The following KCNIP3 variants were observed in gnomAD, a reference collection of about 807,000 sequenced individuals.
KCNIP3 encodes calsenilin.
KCNIP3 carries 28 observed loss-of-function variants against 35.0 expected under a neutral mutation model. That is an observed-to-expected ratio of 0.80 (90% confidence interval 0.59 to 1.10). KCNIP3 has a LOEUF of 1.10. Ranked by LOEUF, KCNIP3 falls within the 50% of genes least tolerant of loss-of-function variation. KCNIP3 has a pLI of 0.00. For missense variants in KCNIP3, 295 were observed against 338.4 expected (o/e 0.87, Z 1.01); for synonymous variants, 134 against 133.8 (o/e 1.00, Z -0.01).
chr2:95,334,730 G>C (rs1376493330), intron 2 of KCNIP3, among the ~76,000 whole-genome samples: 1 of 152,300 alleles, frequency 6.6e-6, no homozygotes, highest in South Asian at 2.1e-4. Flanking sequence ...GAGGAAATGG[G>C]AACCTTTCAT....
chr2:95,322,414 G>A (rs1191298234), intron 2 of KCNIP3, among the ~76,000 whole-genome samples: 4 of 152,256 alleles, frequency 2.6e-5, no homozygotes, highest in South Asian at 2.1e-4. Context: ...TCAGAGGCAC[G>A]TGAAAAGCCC....
At chr2:95,341,154 T>C (rs1679184793) in intron 2 of KCNIP3, among the ~76,000 whole-genome samples, 2 of 152,176 alleles carry the variant, frequency 1.3e-5, no homozygotes, top group African/African-American at 2.4e-5. Flanking sequence ...TTGTTTCTCA[T>C]TGATGATTTA....
intron 1 of KCNIP3, among the ~76,000 whole-genome samples, chr2:95,309,637 T>C (rs1008301812): frequency 6.6e-6 from 1 of 152,190 alleles, no homozygotes; most frequent in African/African-American, 2.4e-5. Flanking sequence ...TTGGTCAGGC[T>C]GGTCTCGAAC....
At chr2:95,325,824 CAT>C (rs1297932297) in intron 2 of KCNIP3, among the ~76,000 whole-genome samples, 3 of 145,122 alleles carry the variant, frequency 2.1e-5, no homozygotes, top group Non-Finnish European at 3.0e-5. Context: ...CACACATACA[CAT>C]ACACTCATAC....
At position 95,366,086 on chromosome 2, in the gene KCNIP3, G is replaced by T. The variant is rs79793344; in HGVS notation, c.182-8210G>T. On this transcript the variant is annotated intron_variant, in intron 2 of 8. Transcript: ENST00000295225. ...GGCCTTGAACTCCAGGGCTCAAGCA[G>T]TCCTCCCACCTCAGCCTCCTGAGAG... 4.4e-4 allele frequency among the ~76,000 whole-genome samples: 67 copies of T among 152,218 alleles called. No homozygotes were observed. In the East Asian group the frequency reaches 0.012, roughly 28 times the overall value.
intron 1 of KCNIP3, among the ~76,000 whole-genome samples, chr2:95,297,957 A>T (rs1488502674): frequency 2.0e-5 from 3 of 152,190 alleles, no homozygotes; most frequent in Non-Finnish European, 2.9e-5. Context: ...CAAGTAACGA[A>T]TGAGTGCCCA....
In KCNIP3 at chr2:95,382,542, TTGGGGCCACCCCGGGCAAG is replaced by T; in HGVS notation, c.660+65_660+83del. 3 of 1,285,004 alleles carry T rather than the reference TTGGGGCCACCCCGGGCAAG, an allele frequency of 2.3e-6. No individual in the cohort carries two copies. Among genetic ancestry groups the T allele is most frequent in the Non-Finnish European group, 3.3e-6 (3 of 919,880 alleles). 79.6% of individuals were successfully genotyped at this position (1,285,004 alleles called of 1,614,324 possible). On this transcript the variant is annotated intron_variant, in intron 7 of 8. Coordinates refer to ENST00000295225, the MANE Select transcript of KCNIP3 (RefSeq NM_013434.5). The surrounding 1 kb of genome is among the most constrained non-coding windows in gnomAD (Gnocchi z 4.5). Reference sequence around the variant, plus strand: ...CTGGCAGAGGAAGGGGCTCTCGCTTTTGGGGCCACCCCGGGCAAGTGGCTTGCCCCTCTGAGCCTCCCTA... The same window carrying T: ...CTGGCAGAGGAAGGGGCTCTCGCTTTTGGCTTGCCCCTCTGAGCCTCCCTA...
Position 95,382,780 on chromosome 2 carries a change from G to T in KCNIP3, c.660+299G>T, listed in dbSNP as rs1680381598. 6.6e-6 allele frequency among the ~76,000 whole-genome samples: 1 copy of T among 152,194 alleles called. No individual in the cohort carries two copies. Among genetic ancestry groups the T allele is most frequent in the Non-Finnish European group, 1.5e-5 (1 of 68,032 alleles). On this transcript the variant is annotated intron_variant, in intron 7 of 8. Transcript: ENST00000295225. This position sits in a 1 kb window ranked among gnomAD's most constrained non-coding sequence, Gnocchi z 4.5. Reference sequence around the variant, plus strand: ...TGGCTCCTCCAGGAAGACGCTCTGGGAGAGGAGCAGGTTGGGGGCCTTCAC... The same window carrying T: ...TGGCTCCTCCAGGAAGACGCTCTGGTAGAGGAGCAGGTTGGGGGCCTTCAC...
intron 1 of KCNIP3, among the ~76,000 whole-genome samples, chr2:95,298,343 G>A (rs960126578): frequency 6.6e-6 from 1 of 151,946 alleles, no homozygotes; most frequent in African/African-American, 2.4e-5. Flanking sequence ...CTTGGAGGCC[G>A]CCTGATCAGC....
intron 4 of KCNIP3, 25 bp from the exon 5 acceptor site, chr2:95,375,113 C>G: frequency 1.2e-6 from 2 of 1,611,770 alleles, no homozygotes; most frequent in Non-Finnish European, 1.7e-6. Flanking sequence ...CCGACACACC[C>G]CAGCCTCTTC....
chr2:95,340,683 C>T (rs1442283845), intron 2 of KCNIP3, among the ~76,000 whole-genome samples: 1 of 152,192 alleles, frequency 6.6e-6, no homozygotes, highest in Non-Finnish European at 1.5e-5. Context: ...CCGGAAGAGA[C>T]GGTTTCTTCT....
At chr2:95,383,858 C>G (rs1308422204) in intron 8 of KCNIP3, 144 bp from the exon 9 acceptor site, 13 of 743,858 alleles carry the variant, frequency 1.7e-5, no homozygotes, top group Non-Finnish European at 2.9e-5. Flanking sequence ...ACTTCACCTC[C>G]CTGTCCCCCA....
At chr2:95,331,632 C>T (rs1181667592) in intron 2 of KCNIP3, among the ~76,000 whole-genome samples, 5 of 152,188 alleles carry the variant, frequency 3.3e-5, no homozygotes, top group Non-Finnish European at 7.3e-5. Context: ...TGGACATTTG[C>T]AGAAGGCTGC....
At chr2:95,375,006 TG>T in intron 4 of KCNIP3, 89 bp downstream of exon 4, 1 of 1,524,208 alleles carries the variant, frequency 6.6e-7, no homozygotes, top group Non-Finnish European at 9.1e-7. Context: ...GGCTTGGTGC[TG>T]CCCCTGTCCC....
At chr2:95,369,958 C>G (rs545337596) in intron 2 of KCNIP3, among the ~76,000 whole-genome samples, 3 of 152,242 alleles carry the variant, frequency 2.0e-5, no homozygotes, top group African/African-American at 7.2e-5. Context: ...TTGTTTTGTT[C>G]AAGCTTAGAA....
intron 2 of KCNIP3, among the ~76,000 whole-genome samples, chr2:95,349,101 C>T (rs1679448892): frequency 6.6e-6 from 1 of 152,196 alleles, no homozygotes; most frequent in Admixed American, 6.5e-5. Flanking sequence ...CCCCCCGCCC[C>T]CCGTCAGAGG....
intron 2 of KCNIP3, among the ~76,000 whole-genome samples, chr2:95,314,430 A>C (rs1328840559): frequency 6.6e-6 from 1 of 152,204 alleles, no homozygotes; most frequent in African/African-American, 2.4e-5. Flanking sequence ...TAAAGCCACA[A>C]AGATGTGGCT....
chr2:95,308,582 G>A (rs1039887574), intron 1 of KCNIP3, among the ~76,000 whole-genome samples: 2 of 152,222 alleles, frequency 1.3e-5, no homozygotes, highest in Admixed American at 1.3e-4. Flanking sequence ...AGACCAGTGG[G>A]GGTGCCAGGC....
In KCNIP3 at chr2:95,384,353, G is replaced by T; in HGVS notation, c.*304G>T. On this transcript the variant is annotated 3_prime_UTR_variant, in exon 9 of 9. Coordinates refer to ENST00000295225, the MANE Select transcript of KCNIP3 (RefSeq NM_013434.5). ...GAGTGGCTGACAGAGCAGGTCTGCAGGCCACCAGCTGCTGGATGTCACCAA... is the reference window on the plus strand; with the variant it reads ...GAGTGGCTGACAGAGCAGGTCTGCATGCCACCAGCTGCTGGATGTCACCAA... The T allele has an allele frequency of 2.3e-6, 1 of 430,728 alleles. No homozygotes were observed. The highest frequency in any genetic ancestry group is 4.2e-6 in the Non-Finnish European group (1 of 238,162). 26.7% of individuals were successfully genotyped at this position (430,728 alleles called of 1,614,324 possible). A position where few individuals can be genotyped will look rare whatever the true frequency, so the allele number is the denominator to read the frequency against.
Sources: gnomAD v4.1 joint callset for allele counts (sites outside exome capture counted in the v4.1 genomes callset) on GRCh38, gnomAD v4.1.1 for gene constraint, Gnocchi (gnomAD v3.1) non-coding constraint, MANE v1.5 for transcripts, NCBI Gene and HGNC (gene_info 2026-07-23, HGNC 2026-07-21) for gene names.